SPATA6: variants seen among roughly 807,000 people sequenced by gnomAD.
SPATA6 encodes spermatogenesis-associated protein 6.
Under a neutral mutation model 65.3 loss-of-function variants are expected in SPATA6, and 56 were observed. That is an observed-to-expected ratio of 0.86 (90% CI 0.69 to 1.07). The LOEUF is 1.07. SPATA6 is among the 50% of genes least tolerant of loss of function. SPATA6 has a pLI of 0.00. For missense variants in SPATA6, 590 were observed against 594.8 expected, an observed-to-expected ratio of 0.99 and a Z score of 0.08; for synonymous variants, 199 against 213.2, an observed-to-expected ratio of 0.93 and a Z score of 0.58.
At position 48,399,554 on chromosome 1, in the gene SPATA6, A is replaced by G. The variant is rs758379525; in HGVS notation, c.577T>C (p.Ser193Pro). ...TSRSQKKKSK[S>P]PERSKYCINA... The stretch of plus-strand genomic sequence containing the variant: ...ATACAGTATTTACTTCTCTCAGGTG[A>G]CTTGGATTTTTTCTTTTGTGATCTT... The change falls in exon 7 of 13, where the codon TCA becomes CCA. Residue 193 changes from serine to proline, a missense_variant. By Grantham distance (74) the Ser-to-Pro change is moderately conservative. Coordinates refer to ENST00000371847, the MANE Select transcript of SPATA6 (RefSeq NM_019073.4). The G allele has an allele frequency of 6.2e-7, 1 of 1,612,912 alleles. No individual in the cohort carries two copies. Among genetic ancestry groups the G allele is most frequent in the East Asian group, 2.2e-5 (1 of 44,854 alleles).
Position 48,436,755 on chromosome 1 carries a change from T to C in SPATA6, c.238+14797A>G, listed in dbSNP as rs148847250. On this transcript the variant is annotated intron_variant, in intron 3 of 12. Coordinates refer to ENST00000371847, the MANE Select transcript of SPATA6 (RefSeq NM_019073.4). ...GGATTACAGCATGTGAATTAGCCAG[T>C]GGGCAGGTGCCTTTCCAGGACATGC... is the stretch of plus-strand genomic sequence containing the variant. 7.0e-4 allele frequency: 1,126 copies of C among 1,614,194 alleles called. 11 individuals carry two copies. In the African/African-American group the frequency reaches 0.014, roughly 19 times the overall value.
intron 8 of SPATA6, among the ~76,000 whole-genome samples, chr1:48,389,050 G>A (rs1482574764): frequency 6.6e-6 from 1 of 151,970 alleles, no homozygotes; most frequent in Non-Finnish European, 1.5e-5. Flanking sequence ...TCACCATGTT[G>A]GCCAGGCTGG....
At chr1:48,368,701 T>A (rs1557625306) in intron 9 of SPATA6, among the ~76,000 whole-genome samples, 1 of 152,206 alleles carries the variant, frequency 6.6e-6, no homozygotes, top group African/African-American at 2.4e-5. Context: ...TTTGTCTAAT[T>A]TTTTTTCAAA....
intron 11 of SPATA6, among the ~76,000 whole-genome samples, chr1:48,354,544 G>A (rs1247104817): frequency 4.6e-5 from 7 of 152,022 alleles, no homozygotes; most frequent in Admixed American, 4.6e-4. Context: ...TGTATTGTAT[G>A]AATACATTTT....
chr1:48,286,253 A>G, the SPATA6 span, among the ~76,000 whole-genome samples: 1 of 151,524 alleles, frequency 6.6e-6, no homozygotes, highest in Non-Finnish European at 1.5e-5. Context: ...TTGAATATGG[A>G]GATTGCTTTG....
rs540496037 is a variant in SPATA6, at chr1:48,440,186, C to G, written c.238+11366G>C. On this transcript the variant is annotated intron_variant, in intron 3 of 12. Transcript: ENST00000371847. ...AAAACCCTCTGGCTATCGGTTATGT[C>G]CCCTTCAAGCTGTAGGGGGAGGGTA... Among the ~76,000 whole-genome samples the G allele has an allele frequency of 7.2e-5, 11 of 152,220 alleles. No homozygotes were observed. The East Asian group carries it at 2.1e-3, about 30-fold the overall frequency.
chr1:48,268,449 C>T, the SPATA6 span, among the ~76,000 whole-genome samples: 1 of 151,950 alleles, frequency 6.6e-6, no homozygotes, highest in East Asian at 1.9e-4. Flanking sequence ...TCTGGCTGAG[C>T]TCCTGTAGGG....
At chr1:48,361,419 C>T (rs1387793701) in intron 9 of SPATA6, among the ~76,000 whole-genome samples, 1 of 151,852 alleles carries the variant, frequency 6.6e-6, no homozygotes, top group East Asian at 1.9e-4. Flanking sequence ...GTGAAGTCAT[C>T]GATAACATCA....
intron 11 of SPATA6, among the ~76,000 whole-genome samples, chr1:48,333,346 T>C (rs762924199): frequency 2.0e-5 from 3 of 152,198 alleles, no homozygotes; most frequent in Non-Finnish European, 4.4e-5. Context: ...CATGGGGTCT[T>C]GGGCCTTTGG....
chr1:48,428,372 G>T (rs1654038380), intron 3 of SPATA6, among the ~76,000 whole-genome samples: 1 of 152,188 alleles, frequency 6.6e-6, no homozygotes, highest in South Asian at 2.1e-4. Context: ...GAGAATCGCT[G>T]AACCCAGGAG....
intron 3 of SPATA6, among the ~76,000 whole-genome samples, chr1:48,432,657 T>C (rs996846435): frequency 3.2e-4 from 48 of 152,250 alleles, no homozygotes; most frequent in African/African-American, 1.1e-3. Context: ...TGTGAAGAAA[T>C]TGGAATCCTT....
At chr1:48,307,286 A>G (rs1645084236) in intron 11 of SPATA6, among the ~76,000 whole-genome samples, 1 of 150,862 alleles carries the variant, frequency 6.6e-6, no homozygotes, top group Non-Finnish European at 1.5e-5. Flanking sequence ...AGAAACAAAA[A>G]GGAACAGATT....
chr1:48,320,262 GT>G (rs1408188258), intron 11 of SPATA6, among the ~76,000 whole-genome samples: 2 of 152,158 alleles, frequency 1.3e-5, no homozygotes, highest in Admixed American at 6.5e-5. Context: ...GTACAAGAGG[GT>G]TATAGCAAAC....
chr1:48,379,521 A>G (rs1648305325), intron 9 of SPATA6, among the ~76,000 whole-genome samples: 1 of 152,212 alleles, frequency 6.6e-6, no homozygotes, highest in South Asian at 2.1e-4. Context: ...CAAAGTTTCA[A>G]GTAGACAGGA....
intron 1 of SPATA6, among the ~76,000 whole-genome samples, chr1:48,456,092 T>C (rs796097053): frequency 2.6e-5 from 4 of 152,306 alleles, no homozygotes; most frequent in African/African-American, 9.6e-5. Context: ...ACCCTTCACC[T>C]CTGGCTGACC....
intron 11 of SPATA6, among the ~76,000 whole-genome samples, chr1:48,351,022 C>G (rs955155743): frequency 1.3e-5 from 2 of 151,830 alleles, no homozygotes; most frequent in Non-Finnish European, 2.9e-5. Context: ...TTCTCTCTTC[C>G]TTGATTTCTT....
chr1:48,411,724 G>A, intron 4 of SPATA6, 136 bp from the exon 5 acceptor site: 1 of 728,546 alleles, frequency 1.4e-6, no homozygotes, highest in East Asian at 3.5e-5. Context: ...TTCTATGAAA[G>A]GAAAATTAAA....
At chr1:48,423,919 T>C (rs1570530533) in intron 3 of SPATA6, among the ~76,000 whole-genome samples, 1 of 152,316 alleles carries the variant, frequency 6.6e-6, no homozygotes, top group African/African-American at 2.4e-5. Context: ...TGAGATGTTT[T>C]AATACAGACA....
chr1:48,299,875 ACTATGCCAT>A (rs1380169452), intron 12 of SPATA6, among the ~76,000 whole-genome samples: 1 of 152,188 alleles, frequency 6.6e-6, no homozygotes, highest in Admixed American at 6.6e-5. Context: ...GACCCTTTCT[ACTATGCCAT>A]GCTGCTATTG....
Sources: gnomAD v4.1 joint callset for allele counts (sites outside exome capture counted in the v4.1 genomes callset) on GRCh38, gnomAD v4.1.1 for gene constraint, MANE v1.5 for transcripts, NCBI Gene and HGNC (gene_info 2026-07-23, HGNC 2026-07-21) for gene names.